Variants in FUT9 observed in about 807,000 individuals in gnomAD.
FUT9 encodes the protein 4-galactosyl-N-acetylglucosaminide 3-alpha-L-fucosyltransferase 9.
FUT9 carries 15 observed loss-of-function variants against 29.7 expected under a neutral mutation model. The observed-to-expected ratio is 0.51, with a 90% CI of 0.34 to 0.78. The LOEUF (loss-of-function observed/expected upper bound fraction) is 0.78, where lower values mean the gene tolerates loss of function less well. FUT9 is among the 30% of genes least tolerant of loss of function. FUT9 has a pLI of 0.01. For synonymous variants in FUT9, 169 were observed against 153.7 expected (o/e 1.10, Z -0.74); for missense variants, 319 against 425.4 (o/e 0.75, Z 2.20).
At chr6:96,087,088 T>C (rs995810056) in intron 1 of FUT9, among the ~76,000 whole-genome samples, 6 of 152,190 alleles carry the variant, frequency 3.9e-5, no homozygotes, top group African/African-American at 1.2e-4. Flanking sequence ...GTTGTACTTG[T>C]TTTTAAAAAT....
chr6:96,057,461 G>T (rs1023291462), intron 1 of FUT9, among the ~76,000 whole-genome samples: 2 of 152,106 alleles, frequency 1.3e-5, no homozygotes, highest in Non-Finnish European at 2.9e-5. Flanking sequence ...GAAACAGAAA[G>T]AAATATAGAA....
chr6:96,143,738 G>A (rs1330517922), intron 2 of FUT9, among the ~76,000 whole-genome samples: 2 of 152,124 alleles, frequency 1.3e-5, no homozygotes, highest in Non-Finnish European at 2.9e-5. Context: ...ATCGTTGGGT[G>A]GATTGAAATT....
In FUT9 at chr6:96,201,922, G is replaced by C. The variant is rs966880542; in HGVS notation, c.-8-1226G>C. On this transcript the variant is annotated intron_variant, in intron 2 of 2. Transcript: ENST00000302103. ...CTTTAAGAAAAACTACATAGCAAAA[G>C]AAGGTGCTTTTTTTAATGTTCACAT... Among the ~76,000 whole-genome samples the C allele has an allele frequency of 5.9e-5, 9 of 151,636 alleles. 1 individual carries two copies. The highest frequency in any genetic ancestry group is 1.7e-4 in the African/African-American group (7 of 41,374).
intron 2 of FUT9, among the ~76,000 whole-genome samples, chr6:96,163,219 T>C (rs533956648): frequency 2.8e-4 from 42 of 151,916 alleles, no homozygotes; most frequent in Non-Finnish European, 5.4e-4. Context: ...AGAAAAGTGA[T>C]TAATTACAAG....
In FUT9 at chr6:96,214,887, G is replaced by A. The variant is rs937209294; in HGVS notation, c.*10652G>A. 1 of 166,964 alleles carries A rather than the reference G, an allele frequency of 6.0e-6. No individual in the cohort carries two copies. The highest frequency in any genetic ancestry group is 2.4e-5 in the African/African-American group (1 of 41,442). 10.3% of individuals were successfully genotyped at this position (166,964 alleles called of 1,614,324 possible). On this transcript the variant is annotated 3_prime_UTR_variant, in exon 3 of 3. Transcript: ENST00000302103. ...AGTTCAATTTAACAGCTTCAGTGAA[G>A]TTAGTATAATGATAAGAAAAATTGA...
At chr6:96,142,504 G>A (rs1197889730) in intron 2 of FUT9, among the ~76,000 whole-genome samples, 3 of 152,054 alleles carry the variant, frequency 2.0e-5, no homozygotes, top group South Asian at 2.1e-4. Flanking sequence ...ATCAGAATCC[G>A]GACAGACTTC....
chr6:96,062,268 A>G (rs1213139931), intron 1 of FUT9, among the ~76,000 whole-genome samples: 1 of 152,074 alleles, frequency 6.6e-6, no homozygotes, highest in Non-Finnish European at 1.5e-5. Flanking sequence ...TCAAAATAGT[A>G]ATATAATTAT....
At chr6:96,033,390 T>G (rs1770297905) in intron 1 of FUT9, among the ~76,000 whole-genome samples, 1 of 151,572 alleles carries the variant, frequency 6.6e-6, no homozygotes, top group Admixed American at 6.6e-5. Context: ...ATAGAAGCAT[T>G]TTCATGATTG....
At chr6:96,103,573 C>A (rs926321213) in intron 1 of FUT9, among the ~76,000 whole-genome samples, 2 of 151,914 alleles carry the variant, frequency 1.3e-5, no homozygotes, top group Admixed American at 1.3e-4. Context: ...AGAATCATTT[C>A]TTGCTCCCTC....
At chr6:96,139,264 C>T (rs917004306) in intron 2 of FUT9, among the ~76,000 whole-genome samples, 7 of 152,134 alleles carry the variant, frequency 4.6e-5, no homozygotes, top group Non-Finnish European at 1.0e-4. Context: ...CTTCGAAAGA[C>T]CTCCTTTGAC....
chr6:96,048,358 T>C (rs927810997), intron 1 of FUT9, among the ~76,000 whole-genome samples: 2 of 152,116 alleles, frequency 1.3e-5, no homozygotes, highest in Non-Finnish European at 2.9e-5. Flanking sequence ...AGTGGAATGA[T>C]AAGTGCTAGG....
rs1773816465 is a variant in FUT9 at position 96,205,740 on chromosome 6, T to C, written c.*1505T>C. ...CCAATAATCCACCCAAAAATTAGAA[T>C]GTTCTGAGACATCCATTTGGGTCTA... On this transcript the variant is annotated 3_prime_UTR_variant, in exon 3 of 3. Coordinates refer to ENST00000302103, the MANE Select transcript of FUT9 (RefSeq NM_006581.4). 6.0e-6 allele frequency: 1 copy of C among 166,582 alleles called. No individual in the cohort carries two copies. Among genetic ancestry groups the C allele is most frequent in the South Asian group, 2.1e-4 (1 of 4,836 alleles). The allele number at this position is 166,582 out of a possible 1,614,324, so 10.3% of individuals were successfully genotyped here.
intron 2 of FUT9, among the ~76,000 whole-genome samples, chr6:96,178,879 T>C (rs1351375821): frequency 6.6e-6 from 1 of 152,144 alleles, no homozygotes; most frequent in African/African-American, 2.4e-5. Context: ...CATTCACTAT[T>C]TGCAATCCAT....
chr6:96,081,341 C>T (rs536898007), intron 1 of FUT9, among the ~76,000 whole-genome samples: 15 of 151,652 alleles, frequency 9.9e-5, no homozygotes, highest in African/African-American at 3.6e-4. Flanking sequence ...TTGGATAATA[C>T]ATTTTTTAGT....
At chr6:96,155,693 A>C (rs1322210135) in intron 2 of FUT9, among the ~76,000 whole-genome samples, 2 of 151,882 alleles carry the variant, frequency 1.3e-5, no homozygotes, top group East Asian at 3.9e-4. Flanking sequence ...AAGGAAAGAA[A>C]GAAAAAGAAA....
intron 2 of FUT9, among the ~76,000 whole-genome samples, chr6:96,167,976 A>T (rs1773044483): frequency 6.6e-6 from 1 of 152,208 alleles, no homozygotes; most frequent in African/African-American, 2.4e-5. Flanking sequence ...AGATAGAGCC[A>T]ACTGTATTTC....
intron 2 of FUT9, among the ~76,000 whole-genome samples, chr6:96,149,436 A>G (rs1010207399): frequency 6.6e-6 from 1 of 152,228 alleles, no homozygotes; most frequent in African/African-American, 2.4e-5. Flanking sequence ...CTTTTAGCCC[A>G]AATGAGTGAA....
intron 2 of FUT9, among the ~76,000 whole-genome samples, chr6:96,193,308 C>T (rs1290729747): frequency 7.2e-6 from 1 of 138,162 alleles, no homozygotes; most frequent in Non-Finnish European, 1.6e-5. Context: ...ACTCATCTGA[C>T]AAAGGGCTAA....
chr6:96,178,760 C>T (rs1331022116), intron 2 of FUT9, among the ~76,000 whole-genome samples: 20 of 151,972 alleles, frequency 1.3e-4, no homozygotes, highest in Admixed American at 1.3e-3. Flanking sequence ...ACTGTAGTAT[C>T]TAAGGGTCTT....
Sources: gnomAD v4.1 joint callset for allele counts (sites outside exome capture counted in the v4.1 genomes callset) on GRCh38, gnomAD v4.1.1 for gene constraint, MANE v1.5 for transcripts, NCBI Gene and HGNC (gene_info 2026-07-23, HGNC 2026-07-21) for gene names.